EML6: variants seen among roughly 807,000 people sequenced by gnomAD.
EML6 encodes EMAP like 6.
In EML6, 154 loss-of-function variants were observed where a neutral mutation model predicts 240.1. The ratio of observed to expected loss-of-function variants is 0.64; its 90% CI spans 0.56 to 0.73. The LOEUF (loss-of-function observed/expected upper bound fraction) is 0.73. Among genes scored for constraint, EML6 ranks in the 30% least tolerant of loss-of-function variants. The probability of loss-of-function intolerance (pLI) is 0.00; values close to 1 mark genes in which losing one functional copy is unlikely to be tolerated. For missense variants in EML6, 2,964 were observed against 2,474.6 expected, an observed-to-expected ratio of 1.20 and a Z score of -4.20; for synonymous variants, 1,148 against 899.0, an observed-to-expected ratio of 1.28 and a Z score of -4.95.
chr2:54,954,112 G>T lies in EML6; in HGVS notation c.4442G>T (p.Gly1481Val), dbSNP rs1676118732. The T allele has an allele frequency of 6.4e-7, 1 of 1,551,452 alleles. No homozygotes were observed. The highest frequency in any genetic ancestry group is 2.0e-5 in the Admixed American group (1 of 50,962). Reference protein sequence around the residue: ...SATGKLLVSVGVDPEHTITVW... With the variant: ...SATGKLLVSVVVDPEHTITVW... ...ACTGGAAAGCTCCTGGTGTCGGTGG[G>T]AGTGGACCCTGAGCACACCATCACT... The change falls in exon 32 of 42, where the codon GGA becomes GTA. Residue 1481 changes from glycine (G) to valine (V), a missense_variant. By Grantham distance (109) the Gly-to-Val change is moderately radical. Coordinates refer to ENST00000356458, the MANE Select transcript of EML6 (RefSeq NM_001039753.4).
intron 2 of EML6, among the ~76,000 whole-genome samples, chr2:54,728,712 G>A (rs1683019864): frequency 6.6e-6 from 1 of 152,106 alleles, no homozygotes; most frequent in Admixed American, 6.5e-5. Context: ...AATATTCTTA[G>A]TTGTGGTAGA....
At chr2:54,968,007 C>T (rs2104559489) in intron 39 of EML6, 121 bp from the exon 40 acceptor site, 1 of 954,926 alleles carries the variant, frequency 1.0e-6, no homozygotes, top group East Asian at 2.6e-5. Context: ...CGTGGCCTGG[C>T]TGTTGGGGAC....
chr2:54,820,162 T>G (rs1014568168), intron 4 of EML6, among the ~76,000 whole-genome samples: 1 of 152,190 alleles, frequency 6.6e-6, no homozygotes, highest in Non-Finnish European at 1.5e-5. Context: ...CAGTTTGTTC[T>G]AAATAATTAT....
At chr2:54,940,968 C>T (rs957778032) in intron 28 of EML6, among the ~76,000 whole-genome samples, 8 of 152,194 alleles carry the variant, frequency 5.3e-5, no homozygotes, top group Non-Finnish European at 1.0e-4. Context: ...AAAGAACATG[C>T]TCATAAGTGA....
intron 10 of EML6, among the ~76,000 whole-genome samples, chr2:54,852,304 ACT>A (rs944867276): frequency 9.2e-5 from 14 of 152,208 alleles, no homozygotes; most frequent in African/African-American, 2.6e-4. Flanking sequence ...CACAAATAAG[ACT>A]CTGCCTTATC....
At chr2:54,777,266 G>T (rs527242841) in intron 2 of EML6, among the ~76,000 whole-genome samples, 1 of 152,158 alleles carries the variant, frequency 6.6e-6, no homozygotes, top group East Asian at 1.9e-4. Context: ...TATTTAGGGT[G>T]GGGGTGGAGG....
intron 2 of EML6, among the ~76,000 whole-genome samples, chr2:54,782,315 A>T (rs1558543569): frequency 6.6e-6 from 1 of 152,194 alleles, no homozygotes; most frequent in East Asian, 1.9e-4. Flanking sequence ...TGTTTCATGA[A>T]ATATTATTTT....
chr2:54,962,494 T>G (rs1300657934), intron 35 of EML6, 29 bp from the exon 36 acceptor site: 4 of 1,505,616 alleles, frequency 2.7e-6, no homozygotes. Context: ...GTATTTGTCC[T>G]TTTTCTAATA....
At chr2:54,962,980 A>G (rs889586791) in intron 36 of EML6, among the ~76,000 whole-genome samples, 31 of 152,398 alleles carry the variant, frequency 2.0e-4, no homozygotes, top group Middle Eastern at 6.8e-3. Context: ...TGAGAAGACT[A>G]AAAATGATTT....
intron 2 of EML6, among the ~76,000 whole-genome samples, chr2:54,728,013 C>T (rs1034340698): frequency 1.3e-5 from 2 of 152,242 alleles, no homozygotes; most frequent in Admixed American, 1.3e-4. Flanking sequence ...AAAGATGTTG[C>T]TATGTGAGGC....
chr2:54,947,017 A>G (rs144642078), intron 28 of EML6, among the ~76,000 whole-genome samples: 3 of 151,972 alleles, frequency 2.0e-5, no homozygotes, highest in South Asian at 2.1e-4. Flanking sequence ...CGCATACTCT[A>G]TATTCACTGT....
At chr2:54,844,622 C>G (rs987820227) in intron 8 of EML6, among the ~76,000 whole-genome samples, 2 of 152,156 alleles carry the variant, frequency 1.3e-5, no homozygotes, top group Admixed American at 6.5e-5. Flanking sequence ...GTTAAAGGCT[C>G]TCTCATTCAT....
At chr2:54,891,540 A>ATT (rs1573083577) in intron 18 of EML6, among the ~76,000 whole-genome samples, 1 of 152,322 alleles carries the variant, frequency 6.6e-6, no homozygotes, top group East Asian at 1.9e-4. Flanking sequence ...TTAAACCTGA[A>ATT]TTAAACCCTG....
rs549150574 is a variant in EML6 at position 54,796,849 on chromosome 2, C to G, written c.198-16383C>G. Among the ~76,000 whole-genome samples, 168 of 152,156 alleles carry G rather than the reference C, an allele frequency of 1.1e-3. 1 individual carries two copies. Among genetic ancestry groups the G allele is most frequent in the African/African-American group, 3.8e-3 (156 of 41,494 alleles). On this transcript the variant is annotated intron_variant, in intron 2 of 41. Transcript: ENST00000356458. The stretch of plus-strand genomic sequence containing the variant: ...TAAGTGCAGGAGTAAATGATTCAGA[C>G]AAGGACTCCTCACCCTGTGGCCAGG...
chr2:54,749,664 A>G lies in EML6; in HGVS notation c.197+24406A>G, dbSNP rs146231723. On this transcript the variant is annotated intron_variant, in intron 2 of 41. Coordinates refer to ENST00000356458, the MANE Select transcript of EML6 (RefSeq NM_001039753.4). ...TGCTCACAAAAAATTTTTGAGGTAG[A>G]TACTATTATTCCCTGTTTACTGAAG... Among the ~76,000 whole-genome samples the G allele has an allele frequency of 4.1e-3, 627 of 152,284 alleles. 2 individuals are homozygous for G. Among genetic ancestry groups the G allele is most frequent in the African/African-American group, 0.014 (601 of 41,548 alleles).
Position 54,937,454 on chromosome 2 carries a change from G to A in EML6, c.4004+8703G>A, listed in dbSNP as rs1004410413. ...TGGTGGTTTAGTTGCTTGGGAGGCT[G>A]AGATAAAAGGATCACTTGAGCCTGG... On this transcript the variant is annotated intron_variant, in intron 28 of 41. Transcript: ENST00000356458. 6.8e-5 allele frequency among the ~76,000 whole-genome samples: 10 copies of A among 147,230 alleles called. No individual in the cohort carries two copies. The Admixed American group carries it at 6.9e-4, about 10-fold the overall frequency.
intron 2 of EML6, among the ~76,000 whole-genome samples, chr2:54,744,929 CA>C (rs1683840337): frequency 8.7e-6 from 1 of 115,096 alleles, no homozygotes; most frequent in Non-Finnish European, 2.2e-5. Flanking sequence ...CACACACACA[CA>C]CACACACACA....
rs528931800 is a variant in EML6, at chr2:54,875,114, T to A, written c.2344+3509T>A. Among the ~76,000 whole-genome samples the A allele has an allele frequency of 5.3e-5, 8 of 152,310 alleles. 1 individual carries two copies. Among genetic ancestry groups the A allele is most frequent in the African/African-American group, 1.9e-4 (8 of 41,562 alleles). Reference sequence around the variant, plus strand: ...CTGCTACCTGTGCCCTCCAGTAAGCTTGTCCATCTGCCCTTCCCACCCTCC... The same window carrying A: ...CTGCTACCTGTGCCCTCCAGTAAGCATGTCCATCTGCCCTTCCCACCCTCC... On this transcript the variant is annotated intron_variant, in intron 16 of 41. Transcript: ENST00000356458.
At chr2:54,759,776 C>G (rs1158200234) in intron 2 of EML6, among the ~76,000 whole-genome samples, 2 of 151,740 alleles carry the variant, frequency 1.3e-5, no homozygotes, top group Non-Finnish European at 2.9e-5. Context: ...TAACTATATC[C>G]CAATGTTAGG....
Sources: allele counts gnomAD v4.1 joint callset (sites outside exome capture counted in the v4.1 genomes callset), GRCh38; gene constraint gnomAD v4.1.1; transcripts MANE v1.5; gene names NCBI Gene and HGNC (gene_info 2026-07-23, HGNC 2026-07-21).